Variants in PCDH9 observed in about 807,000 individuals in gnomAD.
The protein encoded by PCDH9 is protocadherin 9.
A neutral mutation model predicts 70.6 loss-of-function variants in PCDH9; 24 were observed. The observed-to-expected ratio is 0.34, with a 90% CI of 0.25 to 0.48. PCDH9 has a LOEUF of 0.48. Ranked by LOEUF, PCDH9 falls within the 20% of genes least tolerant of loss-of-function variation. The probability of loss-of-function intolerance (pLI) is 0.99; values close to 1 mark genes in which losing one functional copy is unlikely to be tolerated. For synonymous variants in PCDH9, 562 were observed against 558.5 expected (o/e 1.01, Z -0.09); for missense variants, 1,281 against 1,503.6 (o/e 0.85, Z 2.45).
intron 2 of PCDH9, chr13:67,224,195 G>A (rs773355471): frequency 2.0e-5 from 3 of 152,170 alleles, no homozygotes; most frequent in Non-Finnish European, 2.9e-5. Context: ...CATCACCATA[G>A]GTGAACTCCA....
At chr13:66,450,510 A>C (rs981864469) in intron 4 of PCDH9, among the ~76,000 whole-genome samples, 1 of 152,190 alleles carries the variant, frequency 6.6e-6, no homozygotes, top group Non-Finnish European at 1.5e-5. Context: ...ACATAGAAGG[A>C]TCTATACTAT....
chr13:66,806,020 C>T (rs2080404313), intron 3 of PCDH9, among the ~76,000 whole-genome samples: 2 of 147,730 alleles, frequency 1.4e-5, no homozygotes, highest in South Asian at 4.1e-4. Context: ...GACTTTTATG[C>T]ACACAAAATA....
Position 66,823,122 on chromosome 13 carries a change from T to A in PCDH9, c.3138+80382A>T, listed in dbSNP as rs576065318. On this transcript the variant is annotated intron_variant, in intron 3 of 4. Coordinates refer to ENST00000377865, the MANE Select transcript of PCDH9 (RefSeq NM_203487.3). Reference sequence around the variant, plus strand: ...TATTGAGAAATAGAAATGTAGTCTATCTCATATTCTCCATTAGGTTATAAA... The same window carrying A: ...TATTGAGAAATAGAAATGTAGTCTAACTCATATTCTCCATTAGGTTATAAA... Among the ~76,000 whole-genome samples the A allele has an allele frequency of 9.1e-4, 138 of 152,134 alleles. No homozygotes were observed. The Middle Eastern group carries it at 0.021, about 23-fold the overall frequency.
intron 4 of PCDH9, among the ~76,000 whole-genome samples, chr13:66,476,280 G>A (rs987258763): frequency 4.9e-5 from 7 of 143,644 alleles, no homozygotes; most frequent in Non-Finnish European, 1.1e-4. Context: ...CTTATCTGAA[G>A]GCTCCTCCCT....
intron 2 of PCDH9, among the ~76,000 whole-genome samples, chr13:67,049,215 T>C (rs977449637): frequency 6.6e-6 from 1 of 152,242 alleles, no homozygotes; most frequent in Non-Finnish European, 1.5e-5. Flanking sequence ...TTGAACAACA[T>C]AGGGCTAATG....
intron 3 of PCDH9, among the ~76,000 whole-genome samples, chr13:66,661,773 A>G (rs1052247729): frequency 2.0e-5 from 3 of 152,238 alleles, no homozygotes; most frequent in Non-Finnish European, 4.4e-5. Flanking sequence ...ACTTTTAAAT[A>G]TGCTACTGAT....
chr13:66,743,655 C>A (rs2079308845), intron 3 of PCDH9, among the ~76,000 whole-genome samples: 1 of 151,924 alleles, frequency 6.6e-6, no homozygotes, highest in Non-Finnish European at 1.5e-5. Flanking sequence ...TAAGTGTTCT[C>A]ACTATAAAAA....
At chr13:66,753,238 T>C (rs973194236) in intron 3 of PCDH9, among the ~76,000 whole-genome samples, 21 of 152,190 alleles carry the variant, frequency 1.4e-4, no homozygotes, top group Non-Finnish European at 3.1e-4. Context: ...AATTTTTTAG[T>C]TGATTCTCAA....
intron 2 of PCDH9, among the ~76,000 whole-genome samples, chr13:67,133,666 C>T (rs1278662665): frequency 6.6e-6 from 1 of 151,994 alleles, no homozygotes; most frequent in African/African-American, 2.4e-5. Context: ...GGAACAAACC[C>T]AGGATCCCTG....
chr13:66,549,954 G>T (rs547016182), intron 4 of PCDH9, among the ~76,000 whole-genome samples: 7 of 151,924 alleles, frequency 4.6e-5, no homozygotes, highest in Admixed American at 4.6e-4. Context: ...TTCTTGAATA[G>T]AAAACAAACT....
chr13:66,553,607 C>T (rs1188305268), intron 4 of PCDH9, among the ~76,000 whole-genome samples: 1 of 152,102 alleles, frequency 6.6e-6, no homozygotes, highest in Non-Finnish European at 1.5e-5. Context: ...TGGTCCTCAA[C>T]AGAAATGTGA....
intron 3 of PCDH9, among the ~76,000 whole-genome samples, chr13:66,871,301 A>C (rs2081678615): frequency 6.6e-6 from 1 of 151,892 alleles, no homozygotes; most frequent in African/African-American, 2.4e-5. Flanking sequence ...TGACAAGTTA[A>C]TGGGTGCAGC....
intron 4 of PCDH9, among the ~76,000 whole-genome samples, chr13:66,326,225 A>T (rs1286108602): frequency 2.0e-5 from 3 of 152,014 alleles, no homozygotes; most frequent in Non-Finnish European, 4.4e-5. Context: ...ATCCTTTCTC[A>T]CTTACATATA....
intron 4 of PCDH9, among the ~76,000 whole-genome samples, chr13:66,569,065 G>A (rs2076695896): frequency 7.5e-6 from 1 of 133,770 alleles, no homozygotes; most frequent in East Asian, 2.3e-4. Context: ...TCCGTGGCAC[G>A]ATCTCAACTC....
intron 2 of PCDH9, among the ~76,000 whole-genome samples, chr13:67,000,859 T>C (rs997119861): frequency 1.3e-5 from 2 of 152,152 alleles, no homozygotes; most frequent in African/African-American, 4.8e-5. Flanking sequence ...AGCAAAATAT[T>C]TTCTTCTGTT....
rs752213385 is a variant in PCDH9 at position 66,934,558 on chromosome 13, G to GAAAAAGAAAAAGAAAAGAA, written c.3037-30954_3037-30953insTTCTTTTCTTTTTCTTTTT. ...CTCAGTCCCAAAAAAAAAAAAAAAAGAAAAAGAAAAATACAAAAACTCCTT... is the reference window on the plus strand; with the variant it reads ...CTCAGTCCCAAAAAAAAAAAAAAAAGAAAAAGAAAAAGAAAAGAAAAAAAGAAAAATACAAAAACTCCTT... On this transcript the variant is annotated intron_variant, in intron 2 of 4. Coordinates refer to ENST00000377865, the MANE Select transcript of PCDH9 (RefSeq NM_203487.3). Among the ~76,000 whole-genome samples the GAAAAAGAAAAAGAAAAGAA allele has an allele frequency of 3.8e-3, 506 of 134,780 alleles. 1 individual carries two copies. The highest frequency in any genetic ancestry group is 8.1e-3 in the Middle Eastern group (2 of 246). 88.4% of individuals were successfully genotyped at this position (134,780 alleles called of 152,430 possible). A position where few individuals can be genotyped will look rare whatever the true frequency, so the allele number is the denominator to read the frequency against.
chr13:66,641,811 C>G (rs547499566), intron 3 of PCDH9, among the ~76,000 whole-genome samples: 47 of 152,220 alleles, frequency 3.1e-4, no homozygotes, highest in African/African-American at 1.1e-3. Flanking sequence ...CTGTATTTAA[C>G]TACCAAATAA....
chr13:66,573,015 T>C (rs959952107), intron 4 of PCDH9, among the ~76,000 whole-genome samples: 1 of 152,126 alleles, frequency 6.6e-6, no homozygotes, highest in African/African-American at 2.4e-5. Flanking sequence ...CCAATACTGT[T>C]TTCCATAATG....
At chr13:66,401,761 T>C (rs752777964) in intron 4 of PCDH9, among the ~76,000 whole-genome samples, 9 of 120,788 alleles carry the variant, frequency 7.5e-5, no homozygotes, top group Non-Finnish European at 1.6e-4. Context: ...TGCATTCAAG[T>C]GTACCTCCTG....
Sources: gnomAD v4.1 joint callset for allele counts (sites outside exome capture counted in the v4.1 genomes callset) on GRCh38, gnomAD v4.1.1 for gene constraint, MANE v1.5 for transcripts, NCBI Gene and HGNC (gene_info 2026-07-23, HGNC 2026-07-21) for gene names.